Variants in TDRD3 observed in about 807,000 individuals in gnomAD.
TDRD3 encodes the protein tudor domain containing 3, also known as tudor domain-containing protein 3.
Under a neutral mutation model 86.7 loss-of-function variants are expected in TDRD3, and 45 were observed. That is an observed-to-expected ratio of 0.52 (90% CI 0.41 to 0.67). The LOEUF (loss-of-function observed/expected upper bound fraction) is 0.67. Ranked by LOEUF, TDRD3 falls within the 30% of genes least tolerant of loss-of-function variation. TDRD3 has a pLI of 0.00. For synonymous variants in TDRD3, 298 were observed against 301.7 expected (o/e 0.99, Z 0.13); for missense variants, 814 against 889.0 (o/e 0.92, Z 1.07).
intron 5 of TDRD3, among the ~76,000 whole-genome samples, chr13:60,472,455 A>G (rs1956093054): frequency 6.6e-6 from 1 of 152,180 alleles, no homozygotes; most frequent in Admixed American, 6.5e-5. Flanking sequence ...TACAGCCATT[A>G]TCCATTACAA....
rs566617480 is a variant in TDRD3, at chr13:60,554,764, A to G, written c.2119-12761A>G. ...TCCTTGAACGAGAAGAATATAACAC[A>G]TATTTGATATGATCATACATTTATT... On this transcript the variant is annotated intron_variant, in intron 12 of 13. Coordinates refer to ENST00000377881, the MANE Select transcript of TDRD3 (RefSeq NM_001146070.2). Among the ~76,000 whole-genome samples the G allele has an allele frequency of 3.7e-4, 56 of 152,298 alleles. No individual in the cohort carries two copies. In the South Asian group the frequency reaches 9.9e-3, roughly 27 times the overall value.
chr13:60,510,412 T>C (rs1566257420), intron 9 of TDRD3, among the ~76,000 whole-genome samples: 1 of 152,108 alleles, frequency 6.6e-6, no homozygotes. Flanking sequence ...ATGAACAAAT[T>C]CGGACTTCTG....
At chr13:60,520,489 G>T (rs1162567403) in intron 10 of TDRD3, among the ~76,000 whole-genome samples, 1 of 151,888 alleles carries the variant, frequency 6.6e-6, no homozygotes, top group African/African-American at 2.4e-5. Context: ...TTCTCATTAG[G>T]GCTCACCTAA....
upstream of TDRD3, among the ~76,000 whole-genome samples, chr13:60,395,907 T>G (rs904952803): frequency 2.6e-5 from 4 of 152,212 alleles, no homozygotes; most frequent in Admixed American, 2.6e-4. Context: ...TCTAAAATTA[T>G]CTAAACAATA....
Position 60,475,874 on chromosome 13 carries a change from A to G in TDRD3, c.496-7901A>G, listed in dbSNP as rs544243377. On this transcript the variant is annotated intron_variant, in intron 5 of 13. Transcript: ENST00000377881. ...AAATGTTCGTTCATGTCCTTTGCCT[A>G]TTCTTTAATGAGGTTGTTTTTTGCT... Among the ~76,000 whole-genome samples, 9 of 152,156 alleles carry G rather than the reference A, an allele frequency of 5.9e-5. No individual in the cohort carries two copies. The South Asian group carries it at 1.5e-3, about 25-fold the overall frequency.
At chr13:60,434,805 G>A (rs1341220004) in intron 1 of TDRD3, among the ~76,000 whole-genome samples, 1 of 152,052 alleles carries the variant, frequency 6.6e-6, no homozygotes, top group Non-Finnish European at 1.5e-5. Flanking sequence ...GATGGCACAT[G>A]GGAATTGATG....
chr13:60,461,312 A>G (rs1167273711), intron 4 of TDRD3, among the ~76,000 whole-genome samples: 1 of 152,174 alleles, frequency 6.6e-6, no homozygotes, highest in Non-Finnish European at 1.5e-5. Context: ...TTTCCTAGGA[A>G]ATCATTGGGA....
chr13:60,399,751 C>G (rs1954041419), intron 1 of TDRD3, among the ~76,000 whole-genome samples: 2 of 152,166 alleles, frequency 1.3e-5, no homozygotes, highest in African/African-American at 4.8e-5. Flanking sequence ...GAAGTAGATG[C>G]TAAAACATGG....
rs1432718142 is a variant in TDRD3 at position 60,509,936 on chromosome 13, A to G, written c.1015+17A>G. The G allele has an allele frequency of 1.2e-6, 2 of 1,611,468 alleles. No individual in the cohort carries two copies. The highest frequency in any genetic ancestry group is 1.7e-5 in the Admixed American group (1 of 59,758). ...CTCTGAGAGGTATAATTTATTAAGC[A>G]GTGTGCCAGATAGTATTGTTTGCTT... is the stretch of plus-strand genomic sequence containing the variant. On this transcript the variant is annotated intron_variant, in intron 9 of 13. Coordinates refer to ENST00000377881, the MANE Select transcript of TDRD3 (RefSeq NM_001146070.2).
intron 12 of TDRD3, among the ~76,000 whole-genome samples, chr13:60,548,002 G>C (rs1384125990): frequency 6.6e-6 from 1 of 152,076 alleles, no homozygotes; most frequent in African/African-American, 2.4e-5. Context: ...TGCTCCATTA[G>C]TTAGTAAGGT....
chr13:60,508,205 A>G (rs142547326), intron 8 of TDRD3, among the ~76,000 whole-genome samples: 6 of 152,314 alleles, frequency 3.9e-5, no homozygotes, highest in African/African-American at 1.2e-4. Context: ...AAAGTAATGT[A>G]TAGATTCAGT....
At position 60,400,737 on chromosome 13, in the gene TDRD3, C is replaced by CA. The variant is rs796259856; in HGVS notation, c.41+3348dup. On this transcript the variant is annotated intron_variant, in intron 1 of 13. Transcript: ENST00000377881. The stretch of plus-strand genomic sequence containing the variant: ...TGGGCGACAGAGCGAGACTGTGTCT[C>CA]AAAAAAAAAAAAAAAAGTGTCTTCC... 8.4e-3 allele frequency among the ~76,000 whole-genome samples: 765 copies of CA among 91,254 alleles called. 2 individuals carry two copies. The highest frequency in any genetic ancestry group is 0.014 in the South Asian group (41 of 2,902). 59.9% of individuals were successfully genotyped at this position (91,254 alleles called of 152,430 possible).
At chr13:60,413,380 G>T (rs1454488817) in intron 1 of TDRD3, among the ~76,000 whole-genome samples, 1 of 152,122 alleles carries the variant, frequency 6.6e-6, no homozygotes, top group African/African-American at 2.4e-5. Context: ...GGCTCTTGAA[G>T]ACCAATTCTC....
chr13:60,450,124 C>A (rs1160418910), intron 3 of TDRD3, among the ~76,000 whole-genome samples: 2 of 152,046 alleles, frequency 1.3e-5, no homozygotes, highest in Non-Finnish European at 2.9e-5. Flanking sequence ...ATAGCCTTCC[C>A]TTTTACTTTA....
chr13:60,447,228 G>A (rs981828976), intron 3 of TDRD3, among the ~76,000 whole-genome samples: 2 of 152,144 alleles, frequency 1.3e-5, no homozygotes, highest in African/African-American at 4.8e-5. Context: ...AGGAGGCATG[G>A]TTGTGGCATG....
chr13:60,507,596 A>G (rs1382431221), intron 8 of TDRD3, among the ~76,000 whole-genome samples: 3 of 152,218 alleles, frequency 2.0e-5, no homozygotes, highest in African/African-American at 7.2e-5. Context: ...CTACTGGGTA[A>G]ATAAAAAAAT....
chr13:60,477,197 G>GTTATTATTATTA (rs558977736), intron 5 of TDRD3, among the ~76,000 whole-genome samples: 25 of 144,368 alleles, frequency 1.7e-4, no homozygotes, highest in South Asian at 6.8e-4. Context: ...GTTATAGATG[G>GTTATTATTATTA]TTATTATTAT....
chr13:60,467,819 A>G (rs1472406595), intron 5 of TDRD3, among the ~76,000 whole-genome samples: 4 of 152,162 alleles, frequency 2.6e-5, no homozygotes, highest in African/African-American at 4.8e-5. Context: ...CTCATTAGCT[A>G]ATATTTTTCC....
chr13:60,455,806 G>A (rs1391155661), intron 3 of TDRD3, among the ~76,000 whole-genome samples: 2 of 152,074 alleles, frequency 1.3e-5, no homozygotes, highest in African/African-American at 4.8e-5. Context: ...GGTTGCCCAC[G>A]CCTGTAATCC....
Sources: gnomAD v4.1 joint callset for allele counts (sites outside exome capture counted in the v4.1 genomes callset) on GRCh38, gnomAD v4.1.1 for gene constraint, MANE v1.5 for transcripts, NCBI Gene and HGNC (gene_info 2026-07-23, HGNC 2026-07-21) for gene names.